The following IL15 variants were observed in gnomAD, a reference collection of about 807,000 sequenced individuals.
IL15 encodes the protein interleukin 15.
Under a neutral mutation model 19.6 loss-of-function variants are expected in IL15, and 11 were observed. That is an observed-to-expected ratio of 0.56 (90% CI 0.35 to 0.93). The LOEUF (loss-of-function observed/expected upper bound fraction) is 0.93. IL15 is among the 40% of genes least tolerant of loss of function. The pLI is 0.01. For synonymous variants in IL15, 58 were observed against 59.6 expected, an observed-to-expected ratio of 0.97 and a Z score of 0.12; for missense variants, 197 against 186.5, an observed-to-expected ratio of 1.06 and a Z score of -0.33.
intron 2 of IL15, among the ~76,000 whole-genome samples, chr4:141,698,780 C>T (rs1361956861): frequency 6.6e-6 from 1 of 151,772 alleles, no homozygotes; most frequent in Admixed American, 6.6e-5. Context: ...TTCAAAGAAC[C>T]AGCTTTTTGT....
At chr4:141,697,741 A>G (rs1260226024) in intron 2 of IL15, among the ~76,000 whole-genome samples, 1 of 151,816 alleles carries the variant, frequency 6.6e-6, no homozygotes, top group African/African-American at 2.4e-5. Context: ...AGTTAGGTAT[A>G]TTCCTTTATT....
At chr4:141,689,796 C>G (rs1319794214) in intron 2 of IL15, among the ~76,000 whole-genome samples, 1 of 152,136 alleles carries the variant, frequency 6.6e-6, no homozygotes, top group Non-Finnish European at 1.5e-5. Context: ...CTGGCTTCAC[C>G]CAGTGGATCC....
At chr4:141,659,666 C>CA (rs1263961097) in intron 2 of IL15, among the ~76,000 whole-genome samples, 2 of 152,178 alleles carry the variant, frequency 1.3e-5, no homozygotes, top group East Asian at 3.9e-4. Flanking sequence ...AATGAATAAA[C>CA]ATTCTTTTTA....
At chr4:141,698,175 C>G (rs535884253) in intron 2 of IL15, among the ~76,000 whole-genome samples, 11 of 152,224 alleles carry the variant, frequency 7.2e-5, no homozygotes, top group Non-Finnish European at 1.5e-4. Flanking sequence ...CCCTGCAACT[C>G]TGGTATGAAA....
At chr4:141,685,761 T>C (rs1445392606) in intron 2 of IL15, among the ~76,000 whole-genome samples, 2 of 152,238 alleles carry the variant, frequency 1.3e-5, no homozygotes, top group Non-Finnish European at 2.9e-5. Flanking sequence ...GTTCCATGAA[T>C]GAAAAGATTT....
intron 2 of IL15, among the ~76,000 whole-genome samples, chr4:141,677,701 G>A (rs912568672): frequency 3.3e-5 from 5 of 152,154 alleles, no homozygotes; most frequent in African/African-American, 1.2e-4. Context: ...ACCTTCTTAT[G>A]ATTTGAGTCT....
chr4:141,671,917 G>A (rs1247131549), intron 2 of IL15, among the ~76,000 whole-genome samples: 2 of 152,274 alleles, frequency 1.3e-5, no homozygotes, highest in Admixed American at 6.5e-5. Flanking sequence ...GACTGTTGTG[G>A]CCATCTTTGC....
chr4:141,675,703 A>G (rs1728319305), intron 2 of IL15, among the ~76,000 whole-genome samples: 1 of 152,190 alleles, frequency 6.6e-6, no homozygotes, highest in African/African-American at 2.4e-5. Flanking sequence ...GTACCATAAA[A>G]TGAGGACTGC....
chr4:141,709,543 T>G (rs1729643760), intron 2 of IL15, among the ~76,000 whole-genome samples: 1 of 152,070 alleles, frequency 6.6e-6, no homozygotes, highest in African/African-American at 2.4e-5. Context: ...CAACAAAAAT[T>G]GGGAAATGCT....
At chr4:141,716,246 C>A (rs1250639789) in intron 2 of IL15, 1 of 152,224 alleles carries the variant, frequency 6.6e-6, no homozygotes, top group South Asian at 2.1e-4. Flanking sequence ...GGGATTTAGT[C>A]TCTTTTATTT....
chr4:141,707,372 T>G (rs1382089102), intron 2 of IL15, among the ~76,000 whole-genome samples: 1 of 152,178 alleles, frequency 6.6e-6, no homozygotes, highest in Non-Finnish European at 1.5e-5. Context: ...TTTTTAATTA[T>G]TTTTTAGGCA....
At chr4:141,732,071 A>C (rs1048724390) in intron 7 of IL15, among the ~76,000 whole-genome samples, 5 of 152,182 alleles carry the variant, frequency 3.3e-5, no homozygotes, top group South Asian at 2.1e-4. Flanking sequence ...TTACAGTATA[A>C]AAAGAGTAAA....
chr4:141,684,947 G>A (rs934484283), intron 2 of IL15, among the ~76,000 whole-genome samples: 4 of 151,414 alleles, frequency 2.6e-5, no homozygotes, highest in African/African-American at 9.7e-5. Flanking sequence ...CAGTGGCAGT[G>A]ATTATGTCTT....
intron 6 of IL15, among the ~76,000 whole-genome samples, chr4:141,728,745 T>C (rs960627689): frequency 2.0e-5 from 3 of 152,120 alleles, no homozygotes; most frequent in African/African-American, 4.8e-5. Context: ...AAAAGAGATA[T>C]TCACTAACCA....
intron 2 of IL15, among the ~76,000 whole-genome samples, chr4:141,696,539 T>G (rs748947150): frequency 2.3e-4 from 35 of 152,104 alleles, no homozygotes; most frequent in Admixed American, 1.5e-3. Context: ...TTTAACAATA[T>G]GAATTCTTCT....
At chr4:141,717,376 A>G (rs547375583) in intron 2 of IL15, 2 of 152,134 alleles carry the variant, frequency 1.3e-5, no homozygotes, top group Admixed American at 6.5e-5. Context: ...GCCCTCATGA[A>G]TGGATTAATG....
At chr4:141,715,382 C>G (rs1035884637) in intron 2 of IL15, 1 of 152,204 alleles carries the variant, frequency 6.6e-6, no homozygotes, top group African/African-American at 2.4e-5. Flanking sequence ...AAATAGTCTT[C>G]ACTGAGATAC....
intron 2 of IL15, among the ~76,000 whole-genome samples, chr4:141,659,835 G>T (rs185269935): frequency 6.6e-6 from 1 of 152,102 alleles, no homozygotes; most frequent in Admixed American, 6.5e-5. Context: ...AGAGTGTCGT[G>T]TGCCTTCTGT....
Position 141,729,905 on chromosome 4 carries a change from T to C in IL15, c.299T>C (p.Leu100Pro). The change falls in exon 7 of 8, where the codon CTT becomes CCT. Residue 100 changes from leucine (L) to proline (P), a missense_variant. Leu to Pro is a moderately conservative substitution (Grantham distance 98, BLOSUM62 -3). Coordinates refer to ENST00000320650, the MANE Select transcript of IL15 (RefSeq NM_000585.5). ...CTCTTGGAGTTACAAGTTATTTCAC[T>C]TGAGTCCGGAGATGCAAGTATTCAT... ...CFLLELQVISLESGDASIHDT... is the reference protein window; with the variant it reads ...CFLLELQVISPESGDASIHDT... 1 of 1,587,176 alleles carries C rather than the reference T, an allele frequency of 6.3e-7. No homozygotes were observed. Among genetic ancestry groups the C allele is most frequent in the South Asian group, 1.1e-5 (1 of 90,520 alleles).
Sources: allele counts gnomAD v4.1 joint callset (sites outside exome capture counted in the v4.1 genomes callset), GRCh38; gene constraint gnomAD v4.1.1; transcripts MANE v1.5; gene names NCBI Gene and HGNC (gene_info 2026-07-23, HGNC 2026-07-21).